Variants in TCF4 observed in about 807,000 individuals in gnomAD.
TCF4 encodes the protein transcription factor 4.
A neutral mutation model predicts 82.1 loss-of-function variants in TCF4; 3 were observed. That is an observed-to-expected ratio of 0.04 (90% confidence interval 0.02 to 0.09). TCF4 has a LOEUF of 0.09. Ranked by LOEUF, TCF4 falls within the 10% of genes least tolerant of loss-of-function variation. The pLI is 1.00. For synonymous variants in TCF4, 276 were observed against 309.6 expected, an observed-to-expected ratio of 0.89 and a Z score of 1.14; for missense variants, 518 against 852.7, an observed-to-expected ratio of 0.61 and a Z score of 4.89.
chr18:55,548,586 A>G (rs1316741904), intron 3 of TCF4, among the ~76,000 whole-genome samples: 1 of 152,186 alleles, frequency 6.6e-6, no homozygotes, highest in East Asian at 1.9e-4. Flanking sequence ...ATACATTCTG[A>G]GAAATACATT....
chr18:55,580,746 G>A (rs1343735607), intron 3 of TCF4, among the ~76,000 whole-genome samples: 2 of 134,386 alleles, frequency 1.5e-5, no homozygotes, highest in East Asian at 4.0e-4. Flanking sequence ...TGTCTGATGT[G>A]TGTGTGTGTG....
chr18:55,323,841 G>T (rs1000977363), intron 8 of TCF4, among the ~76,000 whole-genome samples: 4 of 152,154 alleles, frequency 2.6e-5, no homozygotes, highest in African/African-American at 7.2e-5. Flanking sequence ...GGCTTTTCTA[G>T]ATCCTAACTT....
chr18:55,293,666 T>G (rs1308657442), intron 8 of TCF4, among the ~76,000 whole-genome samples: 1 of 152,104 alleles, frequency 6.6e-6, no homozygotes, highest in Non-Finnish European at 1.5e-5. Flanking sequence ...AACACTGAAA[T>G]AGTAGGGGCC....
chr18:55,621,673 ATACATTATATATTATATTATATAATAT>A (rs1568501019), intron 2 of TCF4, among the ~76,000 whole-genome samples: 20 of 36,128 alleles, frequency 5.5e-4, no homozygotes, highest in East Asian at 1.7e-3. Flanking sequence ...ATTATATAAT[ATACATTATATATTATATTATATAATAT>A]ATATTATATA....
At chr18:55,424,672 A>G (rs887906005) in intron 5 of TCF4, among the ~76,000 whole-genome samples, 12 of 152,202 alleles carry the variant, frequency 7.9e-5, no homozygotes, top group African/African-American at 2.4e-4. Context: ...ACTTCATCAC[A>G]CCACATCAGA....
At chr18:55,419,868 A>T (rs1277924647) in intron 5 of TCF4, among the ~76,000 whole-genome samples, 4 of 152,198 alleles carry the variant, frequency 2.6e-5, no homozygotes. Context: ...CGCTGCCCAC[A>T]AACAAATGTT....
chr18:55,379,867 A>T (rs1036140571), intron 6 of TCF4, among the ~76,000 whole-genome samples: 3 of 152,080 alleles, frequency 2.0e-5, no homozygotes, highest in Non-Finnish European at 4.4e-5. Flanking sequence ...TCCAGACAAG[A>T]TCCTCTTTCT....
rs1485683402 is a variant in TCF4 at position 55,500,149 on chromosome 18, T to C, written c.146-36012A>G. Among the ~76,000 whole-genome samples, 6 of 152,124 alleles carry C rather than the reference T, an allele frequency of 3.9e-5. No individual in the cohort carries two copies. The East Asian group carries it at 1.2e-3, about 29-fold the overall frequency. ...GTGAGCCAAGATTGTGCCATTGCAC[T>C]CCAGCCTGGGCGACAGAGGGAGACT... On this transcript the variant is annotated intron_variant, in intron 3 of 19. Transcript: ENST00000354452.
chr18:55,632,089 A>G (rs1001655137), intron 1 of TCF4, among the ~76,000 whole-genome samples: 2 of 152,092 alleles, frequency 1.3e-5, no homozygotes, highest in Admixed American at 1.3e-4. Context: ...CCCAGGCTGG[A>G]GTGCAGTGGC....
chr18:55,586,527 C>T (rs1453502839), intron 2 of TCF4, among the ~76,000 whole-genome samples: 1 of 152,178 alleles, frequency 6.6e-6, no homozygotes, highest in Non-Finnish European at 1.5e-5. Flanking sequence ...CATATCCATA[C>T]TAGTTTTAAG....
At chr18:55,316,732 A>C (rs141142461) in intron 8 of TCF4, among the ~76,000 whole-genome samples, 2 of 152,224 alleles carry the variant, frequency 1.3e-5, no homozygotes, top group African/African-American at 4.8e-5. Context: ...AAAGGTATTT[A>C]AAAGACTGCA....
chr18:55,391,581 A>G (rs1015815799), intron 6 of TCF4, among the ~76,000 whole-genome samples: 1 of 151,984 alleles, frequency 6.6e-6, no homozygotes, highest in Non-Finnish European at 1.5e-5. Context: ...GGGCCCAGGT[A>G]AGCCCAAGTG....
intron 8 of TCF4, among the ~76,000 whole-genome samples, chr18:55,319,227 TA>T (rs2074907629): frequency 6.6e-6 from 1 of 152,196 alleles, no homozygotes. Flanking sequence ...GTCTCTTCGA[TA>T]GGCATTTTGA....
At chr18:55,295,498 G>A (rs2066263917) in intron 8 of TCF4, among the ~76,000 whole-genome samples, 1 of 152,112 alleles carries the variant, frequency 6.6e-6, no homozygotes, top group Non-Finnish European at 1.5e-5. Flanking sequence ...ATCTGACACT[G>A]TTGACAATTT....
intron 3 of TCF4, among the ~76,000 whole-genome samples, chr18:55,535,512 G>C (rs959221257): frequency 3.3e-5 from 5 of 152,116 alleles, no homozygotes; most frequent in Admixed American, 2.6e-4. Context: ...ATTATTATAA[G>C]GAAGAAAATT....
At chr18:55,229,409 G>T in intron 17 of TCF4, 1 of 349,842 alleles carries the variant, frequency 2.9e-6, no homozygotes, top group South Asian at 2.8e-5. Flanking sequence ...GTTACACTCT[G>T]CAAAGCAGGC....
intron 3 of TCF4, among the ~76,000 whole-genome samples, chr18:55,496,772 C>T (rs1415316136): frequency 6.6e-6 from 1 of 151,716 alleles, no homozygotes; most frequent in African/African-American, 2.4e-5. Context: ...TGCAAGAGTC[C>T]CAACTTCTTT....
chr18:55,277,073 G>A (rs2061609021), intron 9 of TCF4, among the ~76,000 whole-genome samples: 1 of 152,140 alleles, frequency 6.6e-6, no homozygotes, highest in Admixed American at 6.6e-5. Flanking sequence ...GCCCCAGACA[G>A]TTTCTGAACA....
intron 8 of TCF4, among the ~76,000 whole-genome samples, chr18:55,302,023 G>T (rs183631793): frequency 2.6e-5 from 4 of 152,322 alleles, no homozygotes; most frequent in African/African-American, 9.6e-5. Flanking sequence ...GTAACCGAAT[G>T]ATAAATTCCA....
Sources: allele counts gnomAD v4.1 joint callset (sites outside exome capture counted in the v4.1 genomes callset), GRCh38; gene constraint gnomAD v4.1.1; transcripts MANE v1.5; gene names NCBI Gene and HGNC (gene_info 2026-07-23, HGNC 2026-07-21).